STAU2: variants seen among roughly 807,000 people sequenced by gnomAD.
The protein encoded by STAU2 is double-stranded RNA-binding protein Staufen homolog 2.
STAU2 carries 20 observed loss-of-function variants against 65.9 expected under a neutral mutation model. The ratio of observed to expected loss-of-function variants is 0.30; its 90% CI spans 0.21 to 0.44. STAU2 has a LOEUF of 0.44. Among genes scored for constraint, STAU2 ranks in the 20% least tolerant of loss-of-function variants. The pLI is 1.00. For synonymous variants in STAU2, 232 were observed against 233.9 expected (o/e 0.99, Z 0.07); for missense variants, 558 against 683.9 (o/e 0.82, Z 2.05).
At chr8:73,629,475 TCA>T (rs1364472498) in intron 6 of STAU2, among the ~76,000 whole-genome samples, 1 of 152,190 alleles carries the variant, frequency 6.6e-6, no homozygotes, top group Non-Finnish European at 1.5e-5. Flanking sequence ...TTTCATAGTC[TCA>T]CAATCATTAG....
At chr8:73,518,680 GTT>G (rs2128927395) in intron 13 of STAU2, among the ~76,000 whole-genome samples, 1 of 152,194 alleles carries the variant, frequency 6.6e-6, no homozygotes, top group East Asian at 1.9e-4. Context: ...ACAGGCCATA[GTT>G]TACTGACTCT....
rs796871612 is a variant in STAU2 at position 73,617,592 on chromosome 8, G to C, written c.411-141C>G. 26 of 768,676 alleles carry C rather than the reference G, an allele frequency of 3.4e-5. No homozygotes were observed. In the African/African-American group the frequency reaches 3.5e-4, roughly 10 times the overall value. 47.6% of individuals were successfully genotyped at this position (768,676 alleles called of 1,614,324 possible). On this transcript the variant is annotated intron_variant, in intron 6 of 14. Transcript: ENST00000524300. ...TTTAACCTCAAAAACATACTTTTTT[G>C]ATAAAATGTGAGTCAATACATCTAT...
intron 12 of STAU2, among the ~76,000 whole-genome samples, chr8:73,573,350 G>A (rs1809257050): frequency 6.6e-6 from 1 of 152,214 alleles, no homozygotes; most frequent in South Asian, 2.1e-4. Context: ...TAGATTCAAT[G>A]CCATTCCCAT....
intron 13 of STAU2, chr8:73,439,161 T>C (rs769374976): frequency 5.0e-6 from 2 of 403,664 alleles, no homozygotes; most frequent in Non-Finnish European, 1.0e-5. Context: ...GTAGCATCTG[T>C]TAACACCTCC....
intron 3 of STAU2, among the ~76,000 whole-genome samples, chr8:73,717,605 C>T (rs1434891863): frequency 6.7e-6 from 1 of 150,096 alleles, no homozygotes; most frequent in East Asian, 2.0e-4. Flanking sequence ...ATTCTGTTTC[C>T]ACTGATCTAT....
chr8:73,686,205 G>C (rs1818800527), intron 5 of STAU2, among the ~76,000 whole-genome samples: 1 of 152,196 alleles, frequency 6.6e-6, no homozygotes. Flanking sequence ...ACGAAGTCAG[G>C]AGATGGAGAC....
chr8:73,601,196 A>T (rs1281056757), intron 10 of STAU2, among the ~76,000 whole-genome samples: 1 of 152,238 alleles, frequency 6.6e-6, no homozygotes. Context: ...AAAACCTAAG[A>T]AACTAAAAAG....
At chr8:73,644,456 AAAAT>A (rs1815219998) in intron 6 of STAU2, among the ~76,000 whole-genome samples, 1 of 152,046 alleles carries the variant, frequency 6.6e-6, no homozygotes, top group African/African-American at 2.4e-5. Context: ...TAAAAAAAAA[AAAAT>A]GTTATGAAGA....
chr8:73,512,276 C>T (rs952420868), intron 13 of STAU2, among the ~76,000 whole-genome samples: 5 of 152,186 alleles, frequency 3.3e-5, no homozygotes, highest in African/African-American at 1.2e-4. Flanking sequence ...TTGTCAACTG[C>T]TATCCCCAAA....
intron 13 of STAU2, among the ~76,000 whole-genome samples, chr8:73,470,513 A>G (rs1563611296): frequency 6.6e-6 from 1 of 152,192 alleles, no homozygotes. Context: ...TAAAAGTAGT[A>G]GAGGCCAGGC....
intron 13 of STAU2, among the ~76,000 whole-genome samples, chr8:73,423,871 A>T (rs989623280): frequency 7.2e-5 from 11 of 152,160 alleles, no homozygotes; most frequent in Admixed American, 2.6e-4. Flanking sequence ...TACATTTGTT[A>T]TAGCTGATGA....
chr8:73,676,180 C>A (rs184577884), intron 5 of STAU2, among the ~76,000 whole-genome samples: 3 of 151,588 alleles, frequency 2.0e-5, no homozygotes, highest in Non-Finnish European at 2.9e-5. Context: ...GATATAACTT[C>A]TTTTTAAGAC....
At chr8:73,591,697 CAAAAACTAATA>C (rs1472234862) in intron 11 of STAU2, among the ~76,000 whole-genome samples, 2 of 151,122 alleles carry the variant, frequency 1.3e-5, no homozygotes, top group Non-Finnish European at 3.0e-5. Context: ...ATGCATAAAA[CAAAAACTAATA>C]AAACTGTAAG....
intron 1 of STAU2, 31 bp downstream of exon 1, chr8:73,746,752 T>C: frequency 8.4e-7 from 1 of 1,188,250 alleles, no homozygotes; most frequent in East Asian, 3.2e-5. Flanking sequence ...GAAGTCGGGG[T>C]CTCCCGGACG....
At chr8:73,574,404 G>A (rs1809352586) in intron 12 of STAU2, among the ~76,000 whole-genome samples, 1 of 152,170 alleles carries the variant, frequency 6.6e-6, no homozygotes, top group Non-Finnish European at 1.5e-5. Context: ...TCCCATTACT[G>A]GGTATATACC....
At chr8:73,688,545 T>C in intron 5 of STAU2, 109 bp downstream of exon 5, 2 of 1,042,234 alleles carry the variant, frequency 1.9e-6, no homozygotes, top group South Asian at 2.8e-5. Context: ...TATGGGCATA[T>C]GTGTACTATT....
At chr8:73,663,424 C>A (rs1031286629) in intron 6 of STAU2, among the ~76,000 whole-genome samples, 49 of 152,212 alleles carry the variant, frequency 3.2e-4, no homozygotes, top group African/African-American at 1.2e-3. Context: ...CTGTTTTATT[C>A]TGTTCCACTG....
intron 13 of STAU2, among the ~76,000 whole-genome samples, chr8:73,437,213 C>A (rs1419567864): frequency 6.6e-6 from 1 of 152,132 alleles, no homozygotes; most frequent in Non-Finnish European, 1.5e-5. Context: ...GTTACTTTAC[C>A]TGGCAAGGCA....
At chr8:73,481,528 A>AACC (rs1554595570) in intron 13 of STAU2, among the ~76,000 whole-genome samples, 1,591 of 145,272 alleles carry the variant, frequency 0.011, 36 homozygotes, top group East Asian at 0.03. Flanking sequence ...AAAAAAAAAA[A>AACC]CACTTTTTTT....
Sources: gnomAD v4.1 joint callset for allele counts (sites outside exome capture counted in the v4.1 genomes callset) on GRCh38, gnomAD v4.1.1 for gene constraint, MANE v1.5 for transcripts, NCBI Gene and HGNC (gene_info 2026-07-23, HGNC 2026-07-21) for gene names.